Variants in SHROOM3 observed in about 807,000 individuals in gnomAD.
SHROOM3 encodes the protein protein Shroom3.
SHROOM3 carries 47 observed loss-of-function variants against 138.6 expected under a neutral mutation model. The observed-to-expected ratio is 0.34, with a 90% CI of 0.27 to 0.43. The LOEUF is 0.43. SHROOM3 is among the 20% of genes least tolerant of loss of function. The probability of loss-of-function intolerance (pLI) is 1.00; values close to 1 mark genes in which losing one functional copy is unlikely to be tolerated. For missense variants in SHROOM3, 2,491 were observed against 2,596.5 expected (o/e 0.96, Z 0.88); for synonymous variants, 1,062 against 1,063.3 (o/e 1.00, Z 0.02).
intron 2 of SHROOM3, among the ~76,000 whole-genome samples, chr4:76,639,948 A>G (rs529119946): frequency 1.1e-4 from 16 of 152,270 alleles, no homozygotes; most frequent in Non-Finnish European, 2.2e-4. Flanking sequence ...AAGTTATAAT[A>G]CGAGAGTAAT....
At chr4:76,603,181 G>T (rs577971482) in intron 2 of SHROOM3, among the ~76,000 whole-genome samples, 1 of 152,284 alleles carries the variant, frequency 6.6e-6, no homozygotes, top group South Asian at 2.1e-4. Context: ...CACTTTGGAA[G>T]GCCGAGGAGA....
chr4:76,730,723 C>A (rs1720846126), intron 3 of SHROOM3, 81 bp from the exon 4 acceptor site: 1 of 1,597,314 alleles, frequency 6.3e-7, no homozygotes, highest in Non-Finnish European at 8.6e-7. Flanking sequence ...GTCTTCGCTT[C>A]CAAATCCACA....
At chr4:76,641,385 T>A (rs6532535) in intron 2 of SHROOM3, among the ~76,000 whole-genome samples, 98,691 of 151,748 alleles carry the variant, frequency 0.65, 32,557 homozygotes, top group Middle Eastern at 0.72. Context: ...GTTTCACCCC[T>A]CCCAGAACCA....
intron 3 of SHROOM3, among the ~76,000 whole-genome samples, chr4:76,710,861 C>T (rs1030077447): frequency 6.6e-6 from 1 of 152,146 alleles, no homozygotes; most frequent in Non-Finnish European, 1.5e-5. Flanking sequence ...AATTCTCACA[C>T]CAGCCCTGTG....
chr4:76,749,846 T>C (rs1721563715), intron 6 of SHROOM3, among the ~76,000 whole-genome samples: 1 of 152,212 alleles, frequency 6.6e-6, no homozygotes, highest in Admixed American at 6.5e-5. Context: ...AAGGGTATTC[T>C]CTGAACCATG....
At chr4:76,608,250 G>A (rs556980014) in intron 2 of SHROOM3, among the ~76,000 whole-genome samples, 11 of 152,158 alleles carry the variant, frequency 7.2e-5, no homozygotes, top group South Asian at 2.1e-4. Context: ...TCGAGGGAGC[G>A]CATTCGTTCA....
intron 2 of SHROOM3, among the ~76,000 whole-genome samples, chr4:76,590,835 G>T (rs1734258164): frequency 6.6e-6 from 1 of 151,920 alleles, no homozygotes; most frequent in African/African-American, 2.4e-5. Context: ...AGATTTTCTT[G>T]GTATTTGTTG....
intron 2 of SHROOM3, among the ~76,000 whole-genome samples, chr4:76,608,626 TATAGCATAGC>T (rs1303852174): frequency 5.0e-5 from 5 of 100,892 alleles, no homozygotes; most frequent in African/African-American, 1.9e-4. Flanking sequence ...ACAGAGATGG[TATAGCATAGC>T]ATAGCATAGC....
intron 1 of SHROOM3, among the ~76,000 whole-genome samples, chr4:76,514,633 G>A (rs775878913): frequency 5.3e-5 from 8 of 152,108 alleles, no homozygotes; most frequent in Non-Finnish European, 1.2e-4. Context: ...ATGAAAAAGG[G>A]TGAATTTTAT....
chr4:76,711,565 C>T (rs1251721804), intron 3 of SHROOM3, among the ~76,000 whole-genome samples: 1 of 152,110 alleles, frequency 6.6e-6, no homozygotes, highest in Non-Finnish European at 1.5e-5. Context: ...TACTGGCACA[C>T]ACCTGTGGTC....
rs141754658 is a variant in SHROOM3 at position 76,565,827 on chromosome 4, C to T, written c.323+10064C>T. Among the ~76,000 whole-genome samples, 846 of 152,026 alleles carry T rather than the reference C, an allele frequency of 5.6e-3. 11 individuals are homozygous for T. Among genetic ancestry groups the T allele is most frequent in the African/African-American group, 0.019 (806 of 41,464 alleles). On this transcript the variant is annotated intron_variant, in intron 2 of 10. Transcript: ENST00000296043. Reference sequence around the variant, plus strand: ...CCTGTATTGGAAACTTTAAAAGCGCCTCAAGAAAAAGGCTGGGTGCAGTAA... The same window carrying T: ...CCTGTATTGGAAACTTTAAAAGCGCTTCAAGAAAAAGGCTGGGTGCAGTAA...
intron 2 of SHROOM3, among the ~76,000 whole-genome samples, chr4:76,655,434 C>A (rs1242866273): frequency 6.6e-6 from 1 of 152,188 alleles, no homozygotes; most frequent in African/African-American, 2.4e-5. Flanking sequence ...GTCCTATTGT[C>A]ATTTCTATCC....
intron 2 of SHROOM3, among the ~76,000 whole-genome samples, chr4:76,696,027 AGCCG>A (rs1408510509): frequency 6.6e-6 from 1 of 152,156 alleles, no homozygotes; most frequent in African/African-American, 2.4e-5. Flanking sequence ...CATCCAAATG[AGCCG>A]TATTATTTTG....
At chr4:76,539,011 T>C (rs17002065) in intron 1 of SHROOM3, among the ~76,000 whole-genome samples, 4,929 of 152,286 alleles carry the variant, frequency 0.032, 283 homozygotes, top group African/African-American at 0.11. Flanking sequence ...CTGCCTGTTT[T>C]AGAATTAGAT....
At chr4:76,494,547 A>G (rs1023036956) in intron 1 of SHROOM3, among the ~76,000 whole-genome samples, 3 of 152,220 alleles carry the variant, frequency 2.0e-5, no homozygotes, top group African/African-American at 7.2e-5. Context: ...GCACAAGGTC[A>G]TTATATTAAA....
At chr4:76,501,581 G>C (rs1460902859) in intron 1 of SHROOM3, among the ~76,000 whole-genome samples, 1 of 152,112 alleles carries the variant, frequency 6.6e-6, no homozygotes, top group Non-Finnish European at 1.5e-5. Flanking sequence ...ATGGGAGCTG[G>C]TCACCATAAA....
At chr4:76,708,980 G>A (rs1412200478) in intron 2 of SHROOM3, among the ~76,000 whole-genome samples, 1 of 152,220 alleles carries the variant, frequency 6.6e-6, no homozygotes, top group Non-Finnish European at 1.5e-5. Context: ...GTGGTGCTTA[G>A]ATATAACTAA....
chr4:76,474,254 A>C (rs1307933443), intron 1 of SHROOM3, among the ~76,000 whole-genome samples: 1 of 152,190 alleles, frequency 6.6e-6, no homozygotes, highest in African/African-American at 2.4e-5. Context: ...ACACAGAGAG[A>C]GTATTAGTGG....
chr4:76,693,979 A>AC (rs1553937794), intron 2 of SHROOM3, among the ~76,000 whole-genome samples: 4 of 151,628 alleles, frequency 2.6e-5, no homozygotes, highest in South Asian at 2.1e-4. Flanking sequence ...TAGAAAAAAA[A>AC]AACAAAACTC....
Sources: allele counts gnomAD v4.1 joint callset (sites outside exome capture counted in the v4.1 genomes callset), GRCh38; gene constraint gnomAD v4.1.1; transcripts MANE v1.5; gene names NCBI Gene and HGNC (gene_info 2026-07-23, HGNC 2026-07-21).